BRINP1: variants seen among roughly 807,000 people sequenced by gnomAD.
BRINP1 encodes the protein BMP/retinoic acid inducible neural specific 1, also known as BMP/retinoic acid-inducible neural-specific protein 1.
BRINP1 carries 17 observed loss-of-function variants against 72.9 expected under a neutral mutation model. That is an observed-to-expected ratio of 0.23 (90% CI 0.16 to 0.35). The LOEUF is 0.35. BRINP1 is among the 10% of genes least tolerant of loss of function. The pLI is 1.00. For synonymous variants in BRINP1, 418 were observed against 378.5 expected (o/e 1.10, Z -1.21); for missense variants, 850 against 1,001.6 (o/e 0.85, Z 2.04).
chr9:119,216,197 C>T (rs1829973657), intron 5 of BRINP1, among the ~76,000 whole-genome samples: 1 of 152,170 alleles, frequency 6.6e-6, no homozygotes, highest in Admixed American at 6.5e-5. Context: ...AATCAAAAGG[C>T]AGTCTTCACA....
intron 5 of BRINP1, among the ~76,000 whole-genome samples, chr9:119,216,224 A>G (rs779429899): frequency 6.6e-6 from 1 of 152,244 alleles, no homozygotes; most frequent in South Asian, 2.1e-4. Context: ...CAGAGCTTTG[A>G]TAAGCAGGAG....
chr9:119,361,223 A>G (rs1831625658), intron 1 of BRINP1, among the ~76,000 whole-genome samples: 1 of 152,080 alleles, frequency 6.6e-6, no homozygotes, highest in South Asian at 2.1e-4. Context: ...CCCTCAGGAG[A>G]CAAAGATCCC....
At chr9:119,247,302 C>CTGGT (rs10643542) in intron 3 of BRINP1, among the ~76,000 whole-genome samples, 106,369 of 151,142 alleles carry the variant, frequency 0.7, 38,744 homozygotes, top group East Asian at 0.91. Flanking sequence ...CTAACACATG[C>CTGGT]TGGTTGGTTG....
chr9:119,177,072 G>A (rs767874317), intron 7 of BRINP1, among the ~76,000 whole-genome samples: 5 of 152,176 alleles, frequency 3.3e-5, no homozygotes, highest in Non-Finnish European at 5.9e-5. Context: ...CGAGCACCTA[G>A]CCCAGAGGCT....
chr9:119,242,035 C>T lies in BRINP1; in HGVS notation c.579+12G>A. On this transcript the variant is annotated intron_variant, in intron 4 of 7. Transcript: ENST00000265922. ...TGAGAACCTGTCGCCCAAATCCACC[C>T]CGGAGCTGTACCTTGATTGCTCCAG... is the stretch of plus-strand genomic sequence containing the variant. 1.2e-6 allele frequency: 2 copies of T among 1,612,270 alleles called. No individual in the cohort carries two copies. Among genetic ancestry groups the T allele is most frequent in the Non-Finnish European group, 1.7e-6 (2 of 1,179,332 alleles).
chr9:119,280,302 G>A (rs149404975), intron 2 of BRINP1, among the ~76,000 whole-genome samples: 5,612 of 151,338 alleles, frequency 0.037, 332 homozygotes, highest in African/African-American at 0.13. Flanking sequence ...GCAGTGGTGC[G>A]ATCTCGGCTC....
Position 119,238,665 on chromosome 9 carries a change from C to T in BRINP1, c.675G>A (p.Leu225=). The change falls in exon 5 of 8, where the codon CTG becomes CTA. Residue 225 remains leucine, a synonymous_variant. Coordinates refer to ENST00000265922, the MANE Select transcript of BRINP1 (RefSeq NM_014618.3). ...CCACTGGCTTCCTACCTTGAAGGTG[C>T]AGTTTGCTCTCCGTGCTTTGCAGAA... ...SVLLQSTESK[L]HLQGLQIIFP... is the part of the protein sequence containing the mutation. 6.2e-7 allele frequency: 1 copy of T among 1,606,606 alleles called. No homozygotes were observed. Among genetic ancestry groups the T allele is most frequent in the East Asian group, 2.3e-5 (1 of 44,312 alleles).
At chr9:119,279,754 T>A (rs774733540) in intron 2 of BRINP1, among the ~76,000 whole-genome samples, 19 of 152,202 alleles carry the variant, frequency 1.2e-4, no homozygotes, top group Non-Finnish European at 2.5e-4. Context: ...GCTTAAAATG[T>A]TTGCATGAAA....
At chr9:119,287,661 G>A (rs1197141282) in intron 2 of BRINP1, among the ~76,000 whole-genome samples, 2 of 152,182 alleles carry the variant, frequency 1.3e-5, no homozygotes, top group South Asian at 4.1e-4. Flanking sequence ...TAGCTACAAC[G>A]CCATCTGAGT....
chr9:119,170,328 T>A (rs920373443), intron 7 of BRINP1, among the ~76,000 whole-genome samples: 32 of 151,772 alleles, frequency 2.1e-4, no homozygotes, highest in African/African-American at 3.9e-4. Context: ...GAACTACGTG[T>A]AGAATGCAGA....
chr9:119,322,621 C>T (rs955617693), intron 1 of BRINP1, among the ~76,000 whole-genome samples: 1 of 152,118 alleles, frequency 6.6e-6, no homozygotes, highest in African/African-American at 2.4e-5. Context: ...TCCCTCCCTC[C>T]GCCCAGGTGC....
chr9:119,221,034 T>C (rs1301957596), intron 5 of BRINP1, among the ~76,000 whole-genome samples: 1 of 152,200 alleles, frequency 6.6e-6, no homozygotes, highest in East Asian at 1.9e-4. Flanking sequence ...TGCTCTTTTC[T>C]GACCTATTTC....
At chr9:119,276,819 C>G (rs1373977070) in intron 2 of BRINP1, among the ~76,000 whole-genome samples, 1 of 152,156 alleles carries the variant, frequency 6.6e-6, no homozygotes, top group African/African-American at 2.4e-5. Context: ...TCCCTTTCTA[C>G]TCCCCTTTAC....
At chr9:119,185,404 A>G (rs1313778761) in intron 7 of BRINP1, among the ~76,000 whole-genome samples, 1 of 152,218 alleles carries the variant, frequency 6.6e-6, no homozygotes, top group Non-Finnish European at 1.5e-5. Flanking sequence ...TTAAAGGACA[A>G]TCTTGCATAA....
chr9:119,230,369 G>A (rs1033238424), intron 5 of BRINP1, among the ~76,000 whole-genome samples: 1 of 152,046 alleles, frequency 6.6e-6, no homozygotes, highest in Non-Finnish European at 1.5e-5. Context: ...TTGGCTTTAA[G>A]AAGATCACGC....
chr9:119,345,553 C>A (rs1473319352), intron 1 of BRINP1, among the ~76,000 whole-genome samples: 1 of 152,198 alleles, frequency 6.6e-6, no homozygotes, highest in African/African-American at 2.4e-5. Context: ...ATACCCTACT[C>A]ATCCTTTAAG....
At chr9:119,307,377 G>A (rs991528194) in intron 2 of BRINP1, among the ~76,000 whole-genome samples, 1 of 152,022 alleles carries the variant, frequency 6.6e-6, no homozygotes, top group East Asian at 1.9e-4. Flanking sequence ...TTGCATATTG[G>A]ATCAAAATTG....
intron 2 of BRINP1, among the ~76,000 whole-genome samples, chr9:119,250,165 G>A (rs888660243): frequency 6.6e-6 from 1 of 151,738 alleles, no homozygotes; most frequent in Admixed American, 6.6e-5. Flanking sequence ...AGGGTGAGAA[G>A]GAGGATATAT....
intron 7 of BRINP1, among the ~76,000 whole-genome samples, chr9:119,205,813 C>T (rs1343638321): frequency 6.6e-6 from 1 of 152,088 alleles, no homozygotes; most frequent in African/African-American, 2.4e-5. Flanking sequence ...TGACAATCAC[C>T]GTAACTGAAA....
Sources: allele counts gnomAD v4.1 joint callset (sites outside exome capture counted in the v4.1 genomes callset), GRCh38; gene constraint gnomAD v4.1.1; transcripts MANE v1.5; gene names NCBI Gene and HGNC (gene_info 2026-07-23, HGNC 2026-07-21).